Variants in ACAD10 observed in about 807,000 individuals in gnomAD.
ACAD10 encodes acyl-CoA dehydrogenase family member 10, also known as ACAD-10.
Under a neutral mutation model 116.8 loss-of-function variants are expected in ACAD10, and 112 were observed. The observed-to-expected ratio is 0.96, with a 90% CI of 0.82 to 1.12. The LOEUF (loss-of-function observed/expected upper bound fraction) is 1.12, where lower values mean the gene tolerates loss of function less well. ACAD10 is among the 50% of genes most tolerant of loss of function. ACAD10 has a pLI of 0.00. For synonymous variants in ACAD10, 486 were observed against 510.6 expected, an observed-to-expected ratio of 0.95 and a Z score of 0.65; for missense variants, 1,259 against 1,350.2, an observed-to-expected ratio of 0.93 and a Z score of 1.06.
intron 10 of ACAD10, among the ~76,000 whole-genome samples, chr12:111,730,576 GC>G (rs1038402160): frequency 5.3e-5 from 8 of 151,452 alleles, no homozygotes; most frequent in Admixed American, 5.3e-4. Flanking sequence ...TGTGAAAACT[GC>G]CCGTTAGGTA....
chr12:111,691,349 A>C (rs1439873472), intron 1 of ACAD10, among the ~76,000 whole-genome samples: 1 of 152,122 alleles, frequency 6.6e-6, no homozygotes, highest in Non-Finnish European at 1.5e-5. Flanking sequence ...AGGCGAGTAC[A>C]GGACATCTTA....
chr12:111,744,910 C>T lies in ACAD10; in HGVS notation c.1982C>T (p.Pro661Leu), dbSNP rs144351777. ...GLVISPESLSPPVRELYHRLK... is the reference protein window; with the variant it reads ...GLVISPESLSLPVRELYHRLK... ...GTTATCTCTCCAGAGAGCCTCTCTCCACCTGTCAGAGAGCTGTATCACCGG... is the reference window on the plus strand; with the variant it reads ...GTTATCTCTCCAGAGAGCCTCTCTCTACCTGTCAGAGAGCTGTATCACCGG... The change falls in exon 13 of 21, where the codon CCA becomes CTA. Residue 661 changes from proline (P) to leucine (L), a missense_variant. Pro to Leu is a moderately conservative substitution (Grantham distance 98). Transcript: ENST00000313698. The T allele has an allele frequency of 1.9e-6, 3 of 1,614,072 alleles. No homozygotes were observed. Among genetic ancestry groups the T allele is most frequent in the African/African-American group, 2.7e-5 (2 of 74,934 alleles).
chr12:111,692,778 C>T lies in ACAD10; in HGVS notation c.69C>T (p.His23=), dbSNP rs760497038. Residue 23 remains histidine, a synonymous_variant, in exon 2 of 21, where the codon CAC becomes CAT. Transcript: ENST00000313698. The part of the protein sequence containing the change: ...QWVWRTAFLK[H]TQRRHQGSHR... Reference sequence around the variant, plus strand: ...TGTGGAGAACAGCCTTCCTGAAACACACCCAGCGCAGGCACCAGGGGTCCC... The same window carrying T: ...TGTGGAGAACAGCCTTCCTGAAACATACCCAGCGCAGGCACCAGGGGTCCC... 16 of 1,614,216 alleles carry T rather than the reference C, an allele frequency of 9.9e-6. No individual in the cohort carries two copies. The East Asian group carries it at 3.6e-4, about 36-fold the overall frequency.
intron 12 of ACAD10, among the ~76,000 whole-genome samples, chr12:111,740,638 A>G (rs1463506562): frequency 8.0e-5 from 12 of 150,688 alleles, no homozygotes; most frequent in Non-Finnish European, 1.6e-4. Flanking sequence ...TGTGCCTGTA[A>G]TCCCAGCTAC....
intron 5 of ACAD10, among the ~76,000 whole-genome samples, chr12:111,711,905 G>A (rs1888696631): frequency 6.6e-6 from 1 of 152,170 alleles, no homozygotes; most frequent in South Asian, 2.1e-4. Context: ...TATTTGCCTT[G>A]GCCTGCTAAT....
rs781159665 is a variant in ACAD10, at chr12:111,705,733, CTTAG to C, written c.337-1_339del. 9.9e-6 allele frequency: 16 copies of C among 1,613,142 alleles called. No individual in the cohort carries two copies. The highest frequency in any genetic ancestry group is 5.5e-5 in the South Asian group (5 of 91,008). On this transcript the variant is annotated splice_acceptor_variant and splice_polypyrimidine_tract_variant and intron_variant, in intron 3 of 20. Transcript: ENST00000313698. LOFTEE classifies it high-confidence loss of function. The stretch of plus-strand genomic sequence containing the variant: ...CTGTTCTCCTGTGCCCTCTCCTGTT[CTTAG>C]TTAAAGACCTCCGTGCCTGTGGACT...
At chr12:111,748,872 G>T in intron 17 of ACAD10, 1 of 878,904 alleles carries the variant, frequency 1.1e-6, no homozygotes, top group Non-Finnish European at 1.7e-6. Context: ...TTTACTTTCA[G>T]TGTTTTCATA....
intron 20 of ACAD10, 179 bp from the exon 21 acceptor site, chr12:111,756,154 G>C: frequency 5.6e-6 from 8 of 1,424,930 alleles, no homozygotes; most frequent in Non-Finnish European, 6.4e-6. Flanking sequence ...GGAGGCCGTG[G>C]GATGGCAGGT....
chr12:111,700,201 T>A (rs1190734946), intron 2 of ACAD10, among the ~76,000 whole-genome samples: 1 of 152,090 alleles, frequency 6.6e-6, no homozygotes. Context: ...AAAAAATAGA[T>A]AGGAGACAGA....
rs994022748 is a variant in ACAD10 at position 111,736,993 on chromosome 12, G to A, written c.1703G>A (p.Arg568Gln). 56 of 1,613,360 alleles carry A rather than the reference G, an allele frequency of 3.5e-5. No individual in the cohort carries two copies. Among genetic ancestry groups the A allele is most frequent in the Non-Finnish European group, 4.4e-5 (52 of 1,179,720 alleles). ...GCAATCCTACAGGGAGTCTACAAGC[G>A]ATCACTCACAGGTAATGGGATGGCT... ...VAAILQGVYK[R>Q]SLTGQASSTY... Residue 568 changes from arginine (R) to glutamine (Q), a missense_variant, in exon 12 of 21, where the codon CGA becomes CAA. Transcript: ENST00000313698.
intron 8 of ACAD10, among the ~76,000 whole-genome samples, chr12:111,723,018 AC>A (rs761816539): frequency 1.6e-3 from 147 of 90,582 alleles, no homozygotes; most frequent in South Asian, 9.0e-3. Context: ...CGGGGGGCTG[AC>A]CCCCCCCCAC....
chr12:111,752,826 T>C (rs1301848759), intron 18 of ACAD10: 1 of 141,396 alleles, frequency 7.1e-6, no homozygotes, highest in Non-Finnish European at 1.5e-5. Flanking sequence ...ATTATTTGTG[T>C]AGATTGTTTT....
chr12:111,705,610 C>A, intron 3 of ACAD10, 128 bp from the exon 4 acceptor site: 1 of 814,588 alleles, frequency 1.2e-6, no homozygotes, highest in South Asian at 1.8e-5. Context: ...AGGCAGCAAG[C>A]TATGAGCCTG....
chr12:111,750,613 CAG>C (rs1483867082), intron 18 of ACAD10, among the ~76,000 whole-genome samples: 1 of 152,034 alleles, frequency 6.6e-6, no homozygotes, highest in Non-Finnish European at 1.5e-5. Context: ...AAATAAAAAT[CAG>C]ACACCAGGGA....
chr12:111,739,293 T>C (rs1217197390), intron 12 of ACAD10, among the ~76,000 whole-genome samples: 1 of 152,032 alleles, frequency 6.6e-6, no homozygotes, highest in Non-Finnish European at 1.5e-5. Context: ...TGCCAACTCA[T>C]GGGAAACACA....
chr12:111,734,207 A>G lies in ACAD10; in HGVS notation c.1540+139A>G, dbSNP rs137958817. On this transcript the variant is annotated intron_variant, in intron 11 of 20. Coordinates refer to ENST00000313698, the MANE Select transcript of ACAD10 (RefSeq NM_025247.6). ...GGTGGTTCTGGTGGGAAACATAACT[A>G]GAATGCAGTCCTGTCACATTTACGG... The G allele has an allele frequency of 1.5e-4, 186 of 1,208,226 alleles. 1 individual carries two copies. In the African/African-American group the frequency reaches 2.3e-3, roughly 15 times the overall value. The allele number at this position is 1,208,226 out of a possible 1,614,324, so 74.8% of individuals were successfully genotyped here. A position where few individuals can be genotyped will look rare whatever the true frequency, so the allele number is the denominator to read the frequency against.
At chr12:111,745,156 G>A (rs1889856231) in intron 13 of ACAD10, 113 bp downstream of exon 13, 2 of 1,199,276 alleles carry the variant, frequency 1.7e-6, no homozygotes, top group Non-Finnish European at 2.3e-6. Context: ...GCTCCGAGTT[G>A]AATGATCTTT....
At chr12:111,701,351 T>A (rs1888343356) in intron 2 of ACAD10, among the ~76,000 whole-genome samples, 1 of 152,166 alleles carries the variant, frequency 6.6e-6, no homozygotes, top group African/African-American at 2.4e-5. Context: ...CCTTAGCTCT[T>A]TGTGGACAGA....
At position 111,749,153 on chromosome 12, in the gene ACAD10, T is replaced by A; in HGVS notation, c.2645-20T>A. On this transcript the variant is annotated intron_variant, in intron 17 of 20. Coordinates refer to ENST00000313698, the MANE Select transcript of ACAD10 (RefSeq NM_025247.6). ...AAATGACTATGGCTATTGCTCACAG[T>A]GATCGTTTGGGTCTTTCAGGTGGCC... 6.2e-7 allele frequency: 1 copy of A among 1,613,076 alleles called. No homozygotes were observed. Among genetic ancestry groups the A allele is most frequent in the South Asian group, 1.1e-5 (1 of 91,064 alleles).
Sources: gnomAD v4.1 joint callset for allele counts (sites outside exome capture counted in the v4.1 genomes callset) on GRCh38, gnomAD v4.1.1 for gene constraint, MANE v1.5 for transcripts, NCBI Gene and HGNC (gene_info 2026-07-23, HGNC 2026-07-21) for gene names.